The following TMPRSS3 variants were observed in gnomAD, a reference collection of about 807,000 sequenced individuals.
TMPRSS3 encodes the protein transmembrane serine protease 3, also known as transmembrane protease serine 3.
Under a neutral mutation model 59.6 loss-of-function variants are expected in TMPRSS3, and 55 were observed. That is an observed-to-expected ratio of 0.92 (90% CI 0.74 to 1.16). TMPRSS3 has a LOEUF of 1.16. Ranked by LOEUF, TMPRSS3 falls within the 50% of genes most tolerant of loss-of-function variation. The pLI is 0.00. For missense variants in TMPRSS3, 596 were observed against 579.4 expected (o/e 1.03, Z -0.29); for synonymous variants, 257 against 237.7 (o/e 1.08, Z -0.75).
rs1286559611 is a variant in TMPRSS3, at chr21:42,385,545, A to G, written c.447-11T>C. On this transcript the variant is annotated splice_polypyrimidine_tract_variant and intron_variant, in intron 5 of 12. Transcript: ENST00000644384. ...TCTGAACTCACATAGCTGCAAGCAC[A>G]TTGGAAAGACAGACCCGACGTGGTA... 1.2e-6 allele frequency: 2 copies of G among 1,614,100 alleles called. No homozygotes were observed. Among genetic ancestry groups the G allele is most frequent in the East Asian group, 2.2e-5 (1 of 44,866 alleles).
rs559423204 is a variant in TMPRSS3 at position 42,383,869 on chromosome 21, G to A, written c.616+101C>T. The A allele has an allele frequency of 1.5e-5, 19 of 1,277,016 alleles. No individual in the cohort carries two copies. The African/African-American group carries it at 2.2e-4, about 15-fold the overall frequency. 79.1% of individuals were successfully genotyped at this position (1,277,016 alleles called of 1,614,324 possible). A position where few individuals can be genotyped will look rare whatever the true frequency, so the allele number is the denominator to read the frequency against. ...GTTCCCGCCTGGCACCCAGGAGGAA[G>A]GGATACAGAGCCCCATGGGGGGAGA... On this transcript the variant is annotated intron_variant, in intron 7 of 12. Coordinates refer to ENST00000644384, the MANE Select transcript of TMPRSS3 (RefSeq NM_001256317.3).
chr21:42,372,716 T>C lies in TMPRSS3; in HGVS notation c.*46A>G, dbSNP rs748952887. ...GGGAGTCCAGGGGAGGATCGGGCTG[T>C]CTTCATCACCTCAGGAACTCAGGTG... On this transcript the variant is annotated 3_prime_UTR_variant, in exon 13 of 13. Transcript: ENST00000644384. 3 of 1,611,400 alleles carry C rather than the reference T, an allele frequency of 1.9e-6. No homozygotes were observed. Among genetic ancestry groups the C allele is most frequent in the Non-Finnish European group, 2.5e-6 (3 of 1,177,638 alleles).
chr21:42,386,312 G>T (rs868564828), intron 5 of TMPRSS3, among the ~76,000 whole-genome samples: 1 of 152,320 alleles, frequency 6.6e-6, no homozygotes, highest in African/African-American at 2.4e-5. Flanking sequence ...ATGCTATGGG[G>T]GTGTGTATGT....
At chr21:42,374,219 C>T (rs920843880) in intron 12 of TMPRSS3, among the ~76,000 whole-genome samples, 1 of 152,210 alleles carries the variant, frequency 6.6e-6, no homozygotes, top group African/African-American at 2.4e-5. Flanking sequence ...CACTCAGTGC[C>T]TAGTATGGGG....
Position 42,380,081 on chromosome 21 carries a change from C to A in TMPRSS3, c.1048+36G>T, listed in dbSNP as rs1007759376. ...CCTCCGCAGCCCTCTGGGTTCTGAG[C>A]CCCTGGACTCCGAATCTTGGCTTCA... On this transcript the variant is annotated intron_variant, in intron 10 of 12. Coordinates refer to ENST00000644384, the MANE Select transcript of TMPRSS3 (RefSeq NM_001256317.3). 6 of 1,563,918 alleles carry A rather than the reference C, an allele frequency of 3.8e-6. No homozygotes were observed. The Admixed American group carries it at 5.0e-5, about 13-fold the overall frequency.
Position 42,394,807 on chromosome 21 carries a change from A to T in TMPRSS3, c.94+517T>A, listed in dbSNP as rs2052781265. Among the ~76,000 whole-genome samples the T allele has an allele frequency of 2.0e-5, 3 of 152,216 alleles. No individual in the cohort carries two copies. In the South Asian group the frequency reaches 6.2e-4, roughly 31 times the overall value. ...CTCTGGTCAAAAAGATCCTAGCCGT[A>T]TAGGTTGCTAGAGAGTCCACTGTTT... On this transcript the variant is annotated intron_variant, in intron 2 of 12. Transcript: ENST00000644384.
At chr21:42,390,547 G>A (rs2052718626) in intron 2 of TMPRSS3, 1 of 175,170 alleles carries the variant, frequency 5.7e-6, no homozygotes, top group African/African-American at 2.4e-5. Flanking sequence ...GGCCAACATG[G>A]TGAAACCCCA....
Position 42,390,029 on chromosome 21 carries a change from C to A in TMPRSS3, c.103G>T (p.Ala35Ser). Residue 35 changes from alanine to serine, a missense_variant, in exon 3 of 13, where the codon GCT (alanine) becomes TCT (serine). Ala to Ser is a moderately conservative substitution (Grantham distance 99). Transcript: ENST00000644384. ...KISPVAPDAD[A>S]VAAQILSLLP... ...AGTGACAGGATCTGTGCAGCAACAG[C>A]ATCTGCATCTGAAAACCAGAAAAAG... 6.2e-7 allele frequency: 1 copy of A among 1,613,478 alleles called. No individual in the cohort carries two copies. The highest frequency in any genetic ancestry group is 8.5e-7 in the Non-Finnish European group (1 of 1,179,354).
In TMPRSS3 at chr21:42,384,164, A is replaced by AG. The variant is rs1410562276; in HGVS notation, c.573-152_573-151insC. 25 of 756,494 alleles carry AG rather than the reference A, an allele frequency of 3.3e-5. 1 individual carries two copies. The African/African-American group carries it at 3.4e-4, about 10-fold the overall frequency. The allele number at this position is 756,494 out of a possible 1,614,324, so 46.9% of individuals were successfully genotyped here. A position where few individuals can be genotyped will look rare whatever the true frequency, so the allele number is the denominator to read the frequency against. Reference sequence around the variant, plus strand: ...CAATTTTAGTCTATGTTCAAAAAAAAAAAAAACCATGAGGATGAGGTCACA... The same window carrying AG: ...CAATTTTAGTCTATGTTCAAAAAAAAGAAAAAACCATGAGGATGAGGTCACA... On this transcript the variant is annotated intron_variant, in intron 6 of 12. Transcript: ENST00000644384.
At chr21:42,386,271 T>C (rs2052631985) in intron 5 of TMPRSS3, among the ~76,000 whole-genome samples, 1 of 152,206 alleles carries the variant, frequency 6.6e-6, no homozygotes. Flanking sequence ...ACACACCAGC[T>C]TATCAACAGG....
Position 42,395,473 on chromosome 21 carries a change from G to T in TMPRSS3, c.-51-5C>A. ...CTCCGCCTCCACCTCTACCTCCTTA[G>T]CCGAGGAAGAACAGAAAGCATTTGT... On this transcript the variant is annotated splice_polypyrimidine_tract_variant and splice_region_variant and intron_variant, in intron 1 of 12. Coordinates refer to ENST00000644384, the MANE Select transcript of TMPRSS3 (RefSeq NM_001256317.3). 7.0e-7 allele frequency: 1 copy of T among 1,432,198 alleles called. No homozygotes were observed. Among genetic ancestry groups the T allele is most frequent in the Non-Finnish European group, 9.8e-7 (1 of 1,015,968 alleles). 88.7% of individuals were successfully genotyped at this position (1,432,198 alleles called of 1,614,324 possible). A position where few individuals can be genotyped will look rare whatever the true frequency, so the allele number is the denominator to read the frequency against.
In TMPRSS3 at chr21:42,388,436, G is replaced by A. The variant is rs147231991; in HGVS notation, c.413C>T (p.Ala138Val). Reference sequence around the variant, plus strand: ...ACCCAGTTGGGCACAGGCAACATTTGCGTAGTGACCCTTCCAGTCATCGGA... The same window carrying A: ...ACCCAGTTGGGCACAGGCAACATTTACGTAGTGACCCTTCCAGTCATCGGA... ...MCSDDWKGHY[A>V]NVACAQLGFP... The change falls in exon 5 of 13, where the codon GCA (alanine) becomes GTA (valine). Residue 138 changes from alanine (A) to valine (V), a missense_variant. Coordinates refer to ENST00000644384, the MANE Select transcript of TMPRSS3 (RefSeq NM_001256317.3). The surrounding 1 kb of genome is among the most constrained non-coding windows in gnomAD (Gnocchi z 5.1). 3.7e-6 allele frequency: 6 copies of A among 1,614,122 alleles called. No homozygotes were observed. Among genetic ancestry groups the A allele is most frequent in the Admixed American group, 1.7e-5 (1 of 60,012 alleles).
At chr21:42,385,221 A>C (rs915791385) in intron 6 of TMPRSS3, among the ~76,000 whole-genome samples, 188 bp downstream of exon 6, 3 of 151,520 alleles carry the variant, frequency 2.0e-5, no homozygotes, top group African/African-American at 7.3e-5. Context: ...TTATTGGGCC[A>C]TACTCCCTCA....
intron 3 of TMPRSS3, 103 bp from the exon 4 acceptor site, chr21:42,389,148 T>C: frequency 2.6e-6 from 4 of 1,566,820 alleles, no homozygotes; most frequent in South Asian, 1.2e-5. Context: ...CCGTGAATAA[T>C]GAAACCTGTA....
chr21:42,388,847 G>C lies in TMPRSS3; in HGVS notation c.322+82C>G. 4.0e-6 allele frequency: 5 copies of C among 1,244,546 alleles called. No homozygotes were observed. Among genetic ancestry groups the C allele is most frequent in the Non-Finnish European group, 5.9e-6 (5 of 845,414 alleles). The allele number at this position is 1,244,546 out of a possible 1,614,324, so 77.1% of individuals were successfully genotyped here. A position where few individuals can be genotyped will look rare whatever the true frequency, so the allele number is the denominator to read the frequency against. On this transcript the variant is annotated intron_variant, in intron 4 of 12. Transcript: ENST00000644384. This position sits in a 1 kb window ranked among gnomAD's most constrained non-coding sequence, Gnocchi z 5.1. ...ATGACCTAAAAATGGCAATGACTTG[G>C]ACCCATTTTACAGATGGGAAGGGTC...
rs1316456157 is a variant in TMPRSS3, at chr21:42,383,208, G to A, written c.617-10C>T. Reference sequence around the variant, plus strand: ...CTTCTATGACCACAGGCTATGGAGGGGAACAAAGGCTTGTGGGTCCACCCT... The same window carrying A: ...CTTCTATGACCACAGGCTATGGAGGAGAACAAAGGCTTGTGGGTCCACCCT... On this transcript the variant is annotated splice_polypyrimidine_tract_variant and intron_variant, in intron 7 of 12. Transcript: ENST00000644384. The A allele has an allele frequency of 6.2e-7, 1 of 1,614,062 alleles. No homozygotes were observed. Among genetic ancestry groups the A allele is most frequent in the South Asian group, 1.1e-5 (1 of 91,082 alleles).
chr21:42,372,160 T>C lies in TMPRSS3; in HGVS notation c.*602A>G, dbSNP rs1261583530. ...TTGCACGTGAGGTCACATAACTGCTTATCTCGTCAGGAATTTTGCAAGACC... is the reference window on the plus strand; with the variant it reads ...TTGCACGTGAGGTCACATAACTGCTCATCTCGTCAGGAATTTTGCAAGACC... On this transcript the variant is annotated 3_prime_UTR_variant, in exon 13 of 13. Coordinates refer to ENST00000644384, the MANE Select transcript of TMPRSS3 (RefSeq NM_001256317.3). 1 of 448,758 alleles carries C rather than the reference T, an allele frequency of 2.2e-6. No homozygotes were observed. The highest frequency in any genetic ancestry group is 2.4e-5 in the Admixed American group (1 of 41,918). The allele number at this position is 448,758 out of a possible 1,614,324, so 27.8% of individuals were successfully genotyped here. A position where few individuals can be genotyped will look rare whatever the true frequency, so the allele number is the denominator to read the frequency against.
chr21:42,372,212 T>C lies in TMPRSS3; in HGVS notation c.*550A>G. ...CTGGAGAGAAAACCAGATGGACCAG[T>C]GGGAAAGGCCGCCCTTGCAAGTTGC... On this transcript the variant is annotated 3_prime_UTR_variant, in exon 13 of 13. Transcript: ENST00000644384. The C allele has an allele frequency of 2.2e-6, 1 of 444,872 alleles. No individual in the cohort carries two copies. Among genetic ancestry groups the C allele is most frequent in the Non-Finnish European group, 4.5e-6 (1 of 220,526 alleles). The allele number at this position is 444,872 out of a possible 1,614,324, so 27.6% of individuals were successfully genotyped here. A position where few individuals can be genotyped will look rare whatever the true frequency, so the allele number is the denominator to read the frequency against.
At chr21:42,378,593 C>G (rs1053124953) in intron 10 of TMPRSS3, among the ~76,000 whole-genome samples, 1 of 152,156 alleles carries the variant, frequency 6.6e-6, no homozygotes, top group Non-Finnish European at 1.5e-5. Context: ...GCTACAAGCC[C>G]AGGAATGCCA....
Sources: allele counts gnomAD v4.1 joint callset (sites outside exome capture counted in the v4.1 genomes callset), GRCh38; gene constraint gnomAD v4.1.1; non-coding constraint Gnocchi (gnomAD v3.1); transcripts MANE v1.5; gene names NCBI Gene and HGNC (gene_info 2026-07-23, HGNC 2026-07-21).